The following PGBD5 variants were observed in gnomAD, a reference collection of about 807,000 sequenced individuals.
PGBD5 encodes piggyBac transposable element derived 5, also known as piggyBac transposable element-derived protein 5.
A neutral mutation model predicts 47.9 loss-of-function variants in PGBD5; 14 were observed. That is an observed-to-expected ratio of 0.29 (90% CI 0.19 to 0.46). The LOEUF (loss-of-function observed/expected upper bound fraction) is 0.46, where lower values mean the gene tolerates loss of function less well. Ranked by LOEUF, PGBD5 falls within the 20% of genes least tolerant of loss-of-function variation. The probability of loss-of-function intolerance (pLI) is 1.00; values close to 1 mark genes in which losing one functional copy is unlikely to be tolerated. For synonymous variants in PGBD5, 316 were observed against 306.3 expected, an observed-to-expected ratio of 1.03 and a Z score of -0.33; for missense variants, 635 against 716.0, an observed-to-expected ratio of 0.89 and a Z score of 1.29.
rs550293966 is a variant in PGBD5 at position 230,325,477 on chromosome 1, A to G, written c.1274-62T>C. 1.8e-3 allele frequency: 2,093 copies of G among 1,191,898 alleles called. 1 individual carries two copies. The highest frequency in any genetic ancestry group is 2.3e-3 in the Non-Finnish European group (1,869 of 810,010). The allele number at this position is 1,191,898 out of a possible 1,614,324, so 73.8% of individuals were successfully genotyped here. A position where few individuals can be genotyped will look rare whatever the true frequency, so the allele number is the denominator to read the frequency against. On this transcript the variant is annotated intron_variant, in intron 5 of 6. Transcript: ENST00000391860. ...ACCTCCTCCTAATGCCACTTTATAA[A>G]TGTGCCTATCTTCGTCCAGCTTAGC...
chr1:230,411,958 T>C (rs1379878039), intron 1 of PGBD5, among the ~76,000 whole-genome samples: 1 of 152,088 alleles, frequency 6.6e-6, no homozygotes, highest in South Asian at 2.1e-4. Context: ...TGACAAAAGG[T>C]ATATAAAACA....
intron 1 of PGBD5, chr1:230,368,169 G>T (rs1667871790): frequency 7.3e-7 from 1 of 1,364,876 alleles, no homozygotes; most frequent in African/African-American, 1.5e-5. Context: ...TAAGGTGGAG[G>T]AGAGAGAAGG....
Position 230,350,999 on chromosome 1 carries a change from G to A in PGBD5, c.853C>T (p.Leu285Phe), listed in dbSNP as rs751954092. ...LRKRKKRKFS[L>F]WVRQCSSTGF... ...GTGGAAGAACATTGTCTGACCCAGA[G>A]GCTGAATTTCCGCTTTTTCCTCTTT... Residue 285 changes from leucine (L) to phenylalanine (F), a missense_variant, in exon 3 of 7, where the codon CTC becomes TTC. Leu to Phe is a conservative substitution (Grantham distance 22). Coordinates refer to ENST00000391860, the MANE Select transcript of PGBD5 (RefSeq NM_001258311.2). The A allele has an allele frequency of 1.1e-5, 18 of 1,614,020 alleles. No individual in the cohort carries two copies. The highest frequency in any genetic ancestry group is 3.3e-5 in the Admixed American group (2 of 59,992).
intron 3 of PGBD5, among the ~76,000 whole-genome samples, chr1:230,344,053 A>T (rs1667443326): frequency 6.6e-6 from 1 of 152,196 alleles, no homozygotes; most frequent in African/African-American, 2.4e-5. Flanking sequence ...TGAGAGGCCG[A>T]GGCGGGCAGA....
In PGBD5 at chr1:230,319,771, T is replaced by C. The variant is rs1234017330; in HGVS notation, c.*3654A>G. The C allele has an allele frequency of 6.6e-6, 1 of 151,948 alleles. No individual in the cohort carries two copies. Among genetic ancestry groups the C allele is most frequent in the Non-Finnish European group, 1.5e-5 (1 of 68,030 alleles). The allele number at this position is 151,948 out of a possible 1,614,324, so 9.4% of individuals were successfully genotyped here. ...ACCCAGCCACCAAGACTTTTCCATA[T>C]GACTTGCCTGACTTTTGAAAGATGT... is the stretch of plus-strand genomic sequence containing the variant. On this transcript the variant is annotated 3_prime_UTR_variant, in exon 7 of 7. Transcript: ENST00000391860.
chr1:230,368,324 C>G (rs2820377), intron 1 of PGBD5, among the ~76,000 whole-genome samples: 109,484 of 152,276 alleles, frequency 0.72, 39,793 homozygotes, highest in African/African-American at 0.75. Flanking sequence ...GAAGAGTGTG[C>G]GGCCCGGCAG....
At chr1:230,383,514 C>T (rs540102013) in intron 1 of PGBD5, among the ~76,000 whole-genome samples, 1 of 152,022 alleles carries the variant, frequency 6.6e-6, no homozygotes, top group Non-Finnish European at 1.5e-5. Context: ...ATAGGTGCAC[C>T]ACCAAGCCTG....
intron 1 of PGBD5, among the ~76,000 whole-genome samples, chr1:230,387,908 G>A (rs1013334040): frequency 4.6e-5 from 7 of 152,156 alleles, no homozygotes; most frequent in Admixed American, 2.0e-4. Context: ...TAATTGGAGG[G>A]GAAGTTACGT....
intron 3 of PGBD5, among the ~76,000 whole-genome samples, chr1:230,345,590 T>G (rs2102697303): frequency 6.6e-6 from 1 of 152,274 alleles, no homozygotes; most frequent in African/African-American, 2.4e-5. Context: ...TTTACACTGG[T>G]TTGACTTATG....
In PGBD5 at chr1:230,425,551, C is replaced by T; in HGVS notation, c.331+47G>A. On this transcript the variant is annotated intron_variant, in intron 1 of 6. Coordinates refer to ENST00000391860, the MANE Select transcript of PGBD5 (RefSeq NM_001258311.2). The surrounding 1 kb of genome is among the most constrained non-coding windows in gnomAD (Gnocchi z 4.7). ...CCCAGCACCCACGCCTCCCCCGCGCCCGGTTCCAGCGCCGCCCCCGACATC... is the reference window on the plus strand; with the variant it reads ...CCCAGCACCCACGCCTCCCCCGCGCTCGGTTCCAGCGCCGCCCCCGACATC... 2 of 1,203,776 alleles carry T rather than the reference C, an allele frequency of 1.7e-6. No individual in the cohort carries two copies. Among genetic ancestry groups the T allele is most frequent in the Admixed American group, 4.3e-5 (1 of 23,044 alleles). The allele number at this position is 1,203,776 out of a possible 1,614,324, so 74.6% of individuals were successfully genotyped here. A position where few individuals can be genotyped will look rare whatever the true frequency, so the allele number is the denominator to read the frequency against.
At chr1:230,393,703 T>C (rs1558209533) in intron 1 of PGBD5, among the ~76,000 whole-genome samples, 1 of 151,574 alleles carries the variant, frequency 6.6e-6, no homozygotes, top group Non-Finnish European at 1.5e-5. Context: ...CGGGCGCCTG[T>C]AGTCCCAGCT....
At chr1:230,356,332 G>A (rs1667645198) in intron 2 of PGBD5, among the ~76,000 whole-genome samples, 1 of 152,150 alleles carries the variant, frequency 6.6e-6, no homozygotes, top group Non-Finnish European at 1.5e-5. Context: ...AGAGTAGGCA[G>A]AACCTTTTCT....
rs574247821 is a variant in PGBD5, at chr1:230,316,011, CATAT to C, written c.*7410_*7413del. The C allele has an allele frequency of 3.1e-5, 4 of 127,790 alleles. 1 individual carries two copies. Among genetic ancestry groups the C allele is most frequent in the South Asian group, 5.2e-4 (2 of 3,830 alleles). 7.9% of individuals were successfully genotyped at this position (127,790 alleles called of 1,614,324 possible). A position where few individuals can be genotyped will look rare whatever the true frequency, so the allele number is the denominator to read the frequency against. ...ATACATACATAAGTATATGTGTACA[CATAT>C]ATGTATGTGTATACATACATAAGTA... On this transcript the variant is annotated 3_prime_UTR_variant, in exon 7 of 7. Transcript: ENST00000391860.
At chr1:230,342,831 T>C (rs1667427509) in intron 3 of PGBD5, among the ~76,000 whole-genome samples, 1 of 152,234 alleles carries the variant, frequency 6.6e-6, no homozygotes, top group Admixed American at 6.5e-5. Flanking sequence ...CCCAATGTGG[T>C]TGCCTTCAGC....
chr1:230,406,055 T>A (rs936184334), intron 1 of PGBD5, among the ~76,000 whole-genome samples: 1 of 152,202 alleles, frequency 6.6e-6, no homozygotes, highest in Non-Finnish European at 1.5e-5. Flanking sequence ...ACGCCTGTAA[T>A]CCCAATACTT....
At chr1:230,356,642 C>T (rs1211606734) in intron 2 of PGBD5, among the ~76,000 whole-genome samples, 7 of 152,138 alleles carry the variant, frequency 4.6e-5, no homozygotes, top group Middle Eastern at 3.2e-3. Flanking sequence ...AGAAAAGAGG[C>T]GGAAGATTGC....
intron 1 of PGBD5, among the ~76,000 whole-genome samples, chr1:230,396,921 C>T (rs36024775): frequency 0.035 from 5,283 of 152,308 alleles, 113 homozygotes; most frequent in Middle Eastern, 0.054. Context: ...TTTAAAATCA[C>T]GCTGGAAGTC....
chr1:230,398,422 A>C (rs11122502), intron 1 of PGBD5, among the ~76,000 whole-genome samples: 18,382 of 152,054 alleles, frequency 0.12, 1,312 homozygotes, highest in East Asian at 0.21. Flanking sequence ...TGGGACACCA[A>C]TCAGATTGGA....
At chr1:230,406,495 A>G (rs1489106803) in intron 1 of PGBD5, among the ~76,000 whole-genome samples, 1 of 152,154 alleles carries the variant, frequency 6.6e-6, no homozygotes, top group East Asian at 1.9e-4. Context: ...GTTAACAGAA[A>G]TATTATGAGT....
Sources: gnomAD v4.1 joint callset for allele counts (sites outside exome capture counted in the v4.1 genomes callset) on GRCh38, gnomAD v4.1.1 for gene constraint, Gnocchi (gnomAD v3.1) non-coding constraint, MANE v1.5 for transcripts, NCBI Gene and HGNC (gene_info 2026-07-23, HGNC 2026-07-21) for gene names.